Variants in CPM observed in about 807,000 individuals in gnomAD.
CPM encodes the protein carboxypeptidase M.
CPM carries 35 observed loss-of-function variants against 46.4 expected under a neutral mutation model. The observed-to-expected ratio is 0.75, with a 90% CI of 0.58 to 1.00. The LOEUF (loss-of-function observed/expected upper bound fraction) is 1.00, where lower values mean the gene tolerates loss of function less well. CPM is among the 50% of genes least tolerant of loss of function. CPM has a pLI of 0.00. For missense variants in CPM, 422 were observed against 530.4 expected (o/e 0.80, Z 2.01); for synonymous variants, 195 against 195.3 (o/e 1.00, Z 0.01).
intron 2 of CPM, among the ~76,000 whole-genome samples, chr12:68,920,748 T>G (rs1006175236): frequency 6.7e-6 from 1 of 149,880 alleles, no homozygotes; most frequent in African/African-American, 2.5e-5. Context: ...TGGAGTACAG[T>G]GGCACAGTCT....
intron 1 of CPM, chr12:68,957,377 T>A (rs1467731175): frequency 4.2e-6 from 1 of 235,458 alleles, no homozygotes; most frequent in Non-Finnish European, 9.0e-6. Flanking sequence ...TTTATTCAGC[T>A]AAGGGGGCAC....
At chr12:68,843,947 T>C (rs1305091636) in intron 5 of CPM, 2 of 210,562 alleles carry the variant, frequency 9.5e-6, no homozygotes, top group African/African-American at 4.6e-5. Flanking sequence ...CTCAAAGCAT[T>C]ATTGGAGTTC....
intron 1 of CPM, among the ~76,000 whole-genome samples, chr12:68,955,498 TG>T (rs2136337576): frequency 7.6e-6 from 1 of 130,918 alleles, no homozygotes; most frequent in Non-Finnish European, 1.7e-5. Context: ...TGAGTGTGTG[TG>T]GGGGTGGGGG....
intron 2 of CPM, among the ~76,000 whole-genome samples, chr12:68,902,692 G>A (rs1345300749): frequency 6.6e-6 from 1 of 152,174 alleles, no homozygotes; most frequent in Non-Finnish European, 1.5e-5. Flanking sequence ...GAAACACCAT[G>A]AGATAAGTAA....
chr12:68,943,082 A>C (rs182135162), intron 1 of CPM, among the ~76,000 whole-genome samples: 4 of 152,328 alleles, frequency 2.6e-5, no homozygotes, highest in Admixed American at 2.6e-4. Context: ...TCTAGGAAGA[A>C]TATAGCATCA....
At chr12:68,860,454 T>G (rs1393967228) in intron 7 of CPM, among the ~76,000 whole-genome samples, 1 of 152,162 alleles carries the variant, frequency 6.6e-6, no homozygotes, top group Non-Finnish European at 1.5e-5. Flanking sequence ...TTTGTTTTAT[T>G]TAATTAATTA....
intron 7 of CPM, among the ~76,000 whole-genome samples, chr12:68,860,360 A>G (rs1485500355): frequency 2.0e-5 from 3 of 151,928 alleles, no homozygotes; most frequent in Non-Finnish European, 4.4e-5. Context: ...TATCCTTTTG[A>G]TGTTTAGGTA....
At chr12:68,862,834 C>G (rs1190988281) in intron 7 of CPM, among the ~76,000 whole-genome samples, 2 of 149,486 alleles carry the variant, frequency 1.3e-5, no homozygotes, top group East Asian at 3.9e-4. Flanking sequence ...CTAAGAGACG[C>G]AGAGAGAGCC....
At chr12:68,962,502 C>T (rs1032910826) in intron 1 of CPM, among the ~76,000 whole-genome samples, 3 of 152,088 alleles carry the variant, frequency 2.0e-5, no homozygotes, top group African/African-American at 7.2e-5. Context: ...CCCCTTTTCC[C>T]GAAAGCCAGC....
chr12:68,843,605 T>C lies in CPM; in HGVS notation c.534-1276A>G, dbSNP rs188562494. On this transcript the variant is annotated intron_variant, in intron 5 of 5. Coordinates refer to the CPM transcript ENST00000551897. ...CATATGTGAATTGTATATACTTAGG[T>C]GAAGACAATAAAATCAACTGAACTG... The C allele has an allele frequency of 5.1e-4, 115 of 227,336 alleles. No homozygotes were observed. The East Asian group carries it at 7.0e-3, about 14-fold the overall frequency. The allele number at this position is 227,336 out of a possible 1,614,324, so 14.1% of individuals were successfully genotyped here. A position where few individuals can be genotyped will look rare whatever the true frequency, so the allele number is the denominator to read the frequency against.
intron 2 of CPM, among the ~76,000 whole-genome samples, chr12:68,897,063 A>G (rs1026471584): frequency 8.5e-5 from 13 of 152,140 alleles, no homozygotes; most frequent in Admixed American, 3.3e-4. Flanking sequence ...ACGGTAGGAA[A>G]TTCCTCTGCC....
intron 3 of CPM, among the ~76,000 whole-genome samples, chr12:68,874,612 A>G (rs976276826): frequency 2.6e-5 from 4 of 151,804 alleles, no homozygotes; most frequent in Non-Finnish European, 5.9e-5. Context: ...CACCATCTCG[A>G]AAAAAAACCA....
At chr12:68,953,918 CT>C (rs1888974005) in intron 1 of CPM, among the ~76,000 whole-genome samples, 1 of 152,204 alleles carries the variant, frequency 6.6e-6, no homozygotes, top group Admixed American at 6.5e-5. Context: ...GAAGTCGTTG[CT>C]GTGTGTTTAT....
intron 5 of CPM, among the ~76,000 whole-genome samples, chr12:68,869,714 A>G (rs1188101426): frequency 6.6e-6 from 1 of 152,176 alleles, no homozygotes; most frequent in African/African-American, 2.4e-5. Context: ...CAAACTCCTA[A>G]ATCAGCTTAA....
chr12:68,916,724 A>G (rs1273898882), intron 2 of CPM, among the ~76,000 whole-genome samples: 1 of 151,938 alleles, frequency 6.6e-6, no homozygotes, highest in Non-Finnish European at 1.5e-5. Flanking sequence ...CCCCATCTCT[A>G]CTATAAATAC....
intron 7 of CPM, among the ~76,000 whole-genome samples, chr12:68,864,057 AG>A (rs1475931807): frequency 6.6e-6 from 1 of 152,214 alleles, no homozygotes; most frequent in Non-Finnish European, 1.5e-5. Context: ...TTAAACCACA[AG>A]GGGGCAGGGT....
chr12:68,920,720 A>T, intron 2 of CPM, among the ~76,000 whole-genome samples: 1 of 133,586 alleles, frequency 7.5e-6, no homozygotes, highest in Admixed American at 8.1e-5. Flanking sequence ...TTAGACAGAG[A>T]CTCACTGTGG....
intron 1 of CPM, among the ~76,000 whole-genome samples, chr12:68,951,715 A>G (rs899981469): frequency 6.6e-6 from 1 of 152,152 alleles, no homozygotes; most frequent in Non-Finnish European, 1.5e-5. Flanking sequence ...AGGCATGGAA[A>G]CTGGGAGGTG....
At chr12:68,892,515 G>A (rs1247654679) in intron 2 of CPM, among the ~76,000 whole-genome samples, 1 of 152,162 alleles carries the variant, frequency 6.6e-6, no homozygotes, top group Admixed American at 6.5e-5. Flanking sequence ...AGGCTGCTAG[G>A]TGTTCTCCCT....
Sources: allele counts gnomAD v4.1 joint callset (sites outside exome capture counted in the v4.1 genomes callset), GRCh38; gene constraint gnomAD v4.1.1; transcripts MANE v1.5; gene names NCBI Gene and HGNC (gene_info 2026-07-23, HGNC 2026-07-21).